Variants in MGAT4C observed in about 807,000 individuals in gnomAD.
MGAT4C encodes MGAT4 family member C, also known as alpha-1,3-mannosyl-glycoprotein 4-beta-N-acetylglucosaminyltransferase C.
A neutral mutation model predicts 40.1 loss-of-function variants in MGAT4C; 19 were observed. That is an observed-to-expected ratio of 0.47 (90% confidence interval 0.33 to 0.70). The LOEUF is 0.70. MGAT4C is among the 30% of genes least tolerant of loss of function. The probability of loss-of-function intolerance (pLI) is 0.02; values close to 1 mark genes in which losing one functional copy is unlikely to be tolerated. For missense variants in MGAT4C, 491 were observed against 563.2 expected (o/e 0.87, Z 1.30); for synonymous variants, 181 against 187.1 (o/e 0.97, Z 0.27).
At chr12:86,399,436 C>A (rs1196181747) in intron 3 of MGAT4C, among the ~76,000 whole-genome samples, 1 of 151,814 alleles carries the variant, frequency 6.6e-6, no homozygotes, top group Admixed American at 6.6e-5. Flanking sequence ...CGCCCGCCAC[C>A]ACACCCGGCT....
At chr12:86,501,879 A>G (rs1300987915) in intron 2 of MGAT4C, among the ~76,000 whole-genome samples, 3 of 152,086 alleles carry the variant, frequency 2.0e-5, no homozygotes, top group Non-Finnish European at 4.4e-5. Flanking sequence ...GGGTCAAATG[A>G]TATTTCTATT....
intron 1 of MGAT4C, among the ~76,000 whole-genome samples, chr12:86,240,455 C>A (rs1355209281): frequency 6.6e-6 from 1 of 151,730 alleles, no homozygotes; most frequent in African/African-American, 2.4e-5. Flanking sequence ...GGGTTTTTAA[C>A]AACAATATTT....
chr12:86,426,158 T>C (rs2136262747), intron 3 of MGAT4C, among the ~76,000 whole-genome samples: 1 of 152,308 alleles, frequency 6.6e-6, no homozygotes, highest in East Asian at 1.9e-4. Flanking sequence ...ATCTGCCCCT[T>C]AACAAGTCTC....
intron 1 of MGAT4C, among the ~76,000 whole-genome samples, chr12:86,174,876 A>C (rs1030799574): frequency 2.6e-5 from 4 of 152,188 alleles, no homozygotes; most frequent in Non-Finnish European, 4.4e-5. Context: ...GTGACTTTGA[A>C]AGAATGTTAA....
chr12:86,483,429 A>G (rs2136315366), intron 2 of MGAT4C, among the ~76,000 whole-genome samples: 1 of 152,274 alleles, frequency 6.6e-6, no homozygotes, highest in East Asian at 1.9e-4. Context: ...GAAGTATTTT[A>G]TAAACATATA....
At chr12:85,981,852 A>G (rs1430751708) in intron 4 of MGAT4C, among the ~76,000 whole-genome samples, 1 of 152,120 alleles carries the variant, frequency 6.6e-6, no homozygotes, top group Non-Finnish European at 1.5e-5. Context: ...AGCAGTTGGC[A>G]TGTGTGCCAA....
chr12:86,824,249 G>GC (rs1952759574), intron 1 of MGAT4C, among the ~76,000 whole-genome samples: 1 of 151,340 alleles, frequency 6.6e-6, no homozygotes, highest in Admixed American at 6.6e-5. Context: ...AAGCACAAGA[G>GC]TAGCGATGCT....
chr12:86,170,821 T>C (rs1289704445), intron 1 of MGAT4C, among the ~76,000 whole-genome samples: 1 of 151,712 alleles, frequency 6.6e-6, no homozygotes, highest in Admixed American at 6.6e-5. Flanking sequence ...GGCATGTTAG[T>C]GTGCGCCTGG....
At position 85,979,225 on chromosome 12, in the gene MGAT4C, C is replaced by G. The variant is rs1365700851; in HGVS notation, c.*64G>C. The G allele has an allele frequency of 2.2e-6, 3 of 1,337,752 alleles. No homozygotes were observed. Among genetic ancestry groups the G allele is most frequent in the Non-Finnish European group, 3.1e-6 (3 of 977,978 alleles). 82.9% of individuals were successfully genotyped at this position (1,337,752 alleles called of 1,614,324 possible). The stretch of plus-strand genomic sequence containing the variant: ...CATCCATTGCTTTCCCTCCAAAAGA[C>G]AAAGGTAGCAAAAGACGAAGCAGGA... On this transcript the variant is annotated 3_prime_UTR_variant, in exon 5 of 5. Transcript: ENST00000611864.
intron 2 of MGAT4C, among the ~76,000 whole-genome samples, chr12:86,596,131 C>T (rs190473057): frequency 2.6e-5 from 4 of 151,800 alleles, no homozygotes; most frequent in Admixed American, 6.6e-5. Flanking sequence ...ATGTGCACAA[C>T]GTGCAGGTTT....
intron 4 of MGAT4C, among the ~76,000 whole-genome samples, chr12:86,302,861 T>TA (rs926443379): frequency 1.3e-5 from 2 of 150,720 alleles, no homozygotes; most frequent in Admixed American, 1.3e-4. Flanking sequence ...ATACTTCTGT[T>TA]AGATGAATTT....
chr12:86,650,577 T>G (rs988558259), intron 2 of MGAT4C, among the ~76,000 whole-genome samples: 1 of 151,888 alleles, frequency 6.6e-6, no homozygotes, highest in African/African-American at 2.4e-5. Flanking sequence ...AAACTGTGGT[T>G]TTAATTTGAC....
intron 3 of MGAT4C, among the ~76,000 whole-genome samples, chr12:86,424,712 C>T (rs1263513563): frequency 6.6e-6 from 1 of 152,046 alleles, no homozygotes; most frequent in Admixed American, 6.6e-5. Flanking sequence ...TTGATTAAAT[C>T]AATTAATTCT....
chr12:86,204,335 G>C (rs984041254), intron 1 of MGAT4C, among the ~76,000 whole-genome samples: 1 of 151,232 alleles, frequency 6.6e-6, no homozygotes, highest in Admixed American at 6.6e-5. Context: ...AATAATTCTC[G>C]TTGTATATTT....
intron 1 of MGAT4C, among the ~76,000 whole-genome samples, chr12:86,227,561 G>A (rs945410076): frequency 3.3e-5 from 5 of 151,836 alleles, no homozygotes; most frequent in Admixed American, 1.3e-4. Context: ...TTCAGCACAC[G>A]TATAAAACAC....
At chr12:86,170,477 T>G (rs1886694166) in intron 1 of MGAT4C, among the ~76,000 whole-genome samples, 1 of 152,222 alleles carries the variant, frequency 6.6e-6, no homozygotes, top group Non-Finnish European at 1.5e-5. Flanking sequence ...CTGTTTAAAT[T>G]ATCTATGTAT....
At chr12:86,648,549 G>C (rs565452339) in intron 2 of MGAT4C, among the ~76,000 whole-genome samples, 1 of 151,958 alleles carries the variant, frequency 6.6e-6, no homozygotes, top group South Asian at 2.1e-4. Flanking sequence ...ACCAAGGAAA[G>C]GCTATGTGAG....
chr12:86,067,286 T>A (rs1894636308), intron 1 of MGAT4C, among the ~76,000 whole-genome samples: 1 of 152,178 alleles, frequency 6.6e-6, no homozygotes, highest in African/African-American at 2.4e-5. Context: ...CTTTTCACAA[T>A]AGCAAAGACT....
chr12:86,414,816 C>A (rs183655431), intron 3 of MGAT4C, among the ~76,000 whole-genome samples: 1 of 152,180 alleles, frequency 6.6e-6, no homozygotes, highest in African/African-American at 2.4e-5. Flanking sequence ...ACTGACATTT[C>A]CCTAATTTCA....
Sources: allele counts gnomAD v4.1 joint callset (sites outside exome capture counted in the v4.1 genomes callset), GRCh38; gene constraint gnomAD v4.1.1; transcripts MANE v1.5; gene names NCBI Gene and HGNC (gene_info 2026-07-23, HGNC 2026-07-21).